Variants in MTAP observed in about 807,000 individuals in gnomAD.
MTAP encodes S-methyl-5'-thioadenosine phosphorylase.
A neutral mutation model predicts 33.6 loss-of-function variants in MTAP; 33 were observed. That is an observed-to-expected ratio of 0.98 (90% CI 0.74 to 1.31). The LOEUF (loss-of-function observed/expected upper bound fraction) is 1.31. MTAP is among the 40% of genes most tolerant of loss of function. MTAP has a pLI of 0.00. For missense variants in MTAP, 367 were observed against 360.0 expected (o/e 1.02, Z -0.16); for synonymous variants, 148 against 125.7 (o/e 1.18, Z -1.19).
intron 1 of MTAP, among the ~76,000 whole-genome samples, chr9:21,812,790 T>C (rs377435498): frequency 6.6e-6 from 1 of 152,244 alleles, no homozygotes; most frequent in East Asian, 1.9e-4. Flanking sequence ...TATAATGTTA[T>C]GGAGGACTCC....
At chr9:21,818,004 C>G (rs753143208) in intron 3 of MTAP, 31 bp from the exon 4 acceptor site, 31 of 1,593,178 alleles carry the variant, frequency 1.9e-5, no homozygotes, top group Non-Finnish European at 2.5e-5. Context: ...GTACTCATCA[C>G]GGGTTAACAA....
At chr9:21,906,565 A>G (rs770866645) in intron 1 of MTAP, among the ~76,000 whole-genome samples, 2 of 152,192 alleles carry the variant, frequency 1.3e-5, no homozygotes, top group Non-Finnish European at 2.9e-5. Flanking sequence ...CCAGACAGAA[A>G]GAACAGAGAA....
At chr9:21,825,233 A>G (rs1404387246) in intron 4 of MTAP, among the ~76,000 whole-genome samples, 3 of 152,144 alleles carry the variant, frequency 2.0e-5, no homozygotes, top group Non-Finnish European at 4.4e-5. Context: ...CTATTAGGCC[A>G]TCTTGGAACC....
intron 1 of MTAP, among the ~76,000 whole-genome samples, chr9:21,903,671 A>G (rs1818426177): frequency 6.6e-6 from 1 of 152,188 alleles, no homozygotes; most frequent in African/African-American, 2.4e-5. Context: ...AGCTACCCTT[A>G]TAATGAAATG....
chr9:21,842,312 A>T (rs1025714000), intron 5 of MTAP, among the ~76,000 whole-genome samples: 2 of 152,240 alleles, frequency 1.3e-5, no homozygotes, highest in African/African-American at 4.8e-5. Flanking sequence ...TTCCTGCAGA[A>T]GAAGAGAAAT....
intron 1 of MTAP, among the ~76,000 whole-genome samples, chr9:21,812,845 G>T (rs1407075604): frequency 6.6e-6 from 1 of 152,232 alleles, no homozygotes; most frequent in Non-Finnish European, 1.5e-5. Context: ...AAGCCTGAAA[G>T]ACCTAGATTT....
At chr9:21,917,058 G>T (rs1279088245) in intron 1 of MTAP, among the ~76,000 whole-genome samples, 1 of 145,648 alleles carries the variant, frequency 6.9e-6, no homozygotes, top group Non-Finnish European at 1.5e-5. Flanking sequence ...GGTTTTGAGG[G>T]AATAATAAAG....
intron 4 of MTAP, among the ~76,000 whole-genome samples, chr9:21,819,169 C>G (rs905062910): frequency 7.1e-6 from 1 of 141,746 alleles, no homozygotes; most frequent in Non-Finnish European, 1.5e-5. Context: ...CTTTTAAGTT[C>G]TAGGGTACAT....
chr9:21,912,626 T>C (rs10123050), intron 1 of MTAP, among the ~76,000 whole-genome samples: 26,766 of 152,128 alleles, frequency 0.18, 4,075 homozygotes, highest in African/African-American at 0.4. Context: ...ATTGTTGGGA[T>C]GTATCTCAAA....
At chr9:21,832,786 T>C (rs541024612) in intron 4 of MTAP, among the ~76,000 whole-genome samples, 62 of 152,352 alleles carry the variant, frequency 4.1e-4, no homozygotes, top group Admixed American at 3.9e-3. Context: ...TTAATCCCAC[T>C]TACGGCATAC....
intron 1 of MTAP, among the ~76,000 whole-genome samples, chr9:21,883,797 C>T (rs1818056958): frequency 6.6e-6 from 1 of 151,714 alleles, no homozygotes; most frequent in African/African-American, 2.4e-5. Flanking sequence ...TCAGCAATAC[C>T]TAGTGTGGCC....
intron 5 of MTAP, 77 bp from the exon 6 acceptor site, chr9:21,854,554 T>TAAA (rs1033625130): frequency 2.7e-6 from 4 of 1,456,140 alleles, no homozygotes; most frequent in Non-Finnish European, 3.6e-6. Context: ...ATCAACTTGG[T>TAAA]AAACATTGGG....
chr9:21,925,116 G>C (rs73442446), intron 1 of MTAP, among the ~76,000 whole-genome samples: 6,787 of 152,256 alleles, frequency 0.045, 488 homozygotes, highest in African/African-American at 0.14. Context: ...GGGGCATATG[G>C]GCAAAGAATT....
intron 1 of MTAP, among the ~76,000 whole-genome samples, chr9:21,883,296 A>G (rs1052679075): frequency 6.6e-6 from 1 of 152,116 alleles, no homozygotes; most frequent in Non-Finnish European, 1.5e-5. Context: ...CTTCTTAGTG[A>G]TAAGAGAAAT....
Position 21,864,204 on chromosome 9 carries a change from A to G in MTAP, c.*2190A>G. The stretch of plus-strand genomic sequence containing the variant: ...TCTCTAGCAACATCATTTTCAGACT[A>G]ACTAAATGAATGCAGTATACTCTTT... On this transcript the variant is annotated 3_prime_UTR_variant, in exon 8 of 8. Transcript: ENST00000644715. The G allele has an allele frequency of 1.0e-6, 1 of 985,398 alleles. No individual in the cohort carries two copies. Among genetic ancestry groups the G allele is most frequent in the Non-Finnish European group, 1.2e-6 (1 of 829,906 alleles). 61.0% of individuals were successfully genotyped at this position (985,398 alleles called of 1,614,324 possible).
chr9:21,905,686 A>G (rs1818465613), intron 1 of MTAP, among the ~76,000 whole-genome samples: 1 of 152,206 alleles, frequency 6.6e-6, no homozygotes, highest in Non-Finnish European at 1.5e-5. Context: ...AACAGCACTA[A>G]GAGAGAAAGA....
At chr9:21,869,181 A>G (rs533058220), downstream of MTAP, among the ~76,000 whole-genome samples, 8 of 152,266 alleles carry the variant, frequency 5.3e-5, no homozygotes, top group African/African-American at 1.7e-4. Context: ...TTTCATTGGC[A>G]TAAAATCCCT....
chr9:21,858,041 T>C (rs73431513), intron 6 of MTAP, among the ~76,000 whole-genome samples: 1,576 of 152,318 alleles, frequency 0.01, 30 homozygotes, highest in African/African-American at 0.035. Flanking sequence ...AGTGGTTTAT[T>C]TGGGATTTTG....
intron 1 of MTAP, among the ~76,000 whole-genome samples, chr9:21,915,041 TTCCTTCCTTC>T (rs1818658505): frequency 9.0e-6 from 1 of 111,372 alleles, no homozygotes; most frequent in Non-Finnish European, 1.6e-5. Flanking sequence ...CCTTCCTTCC[TTCCTTCCTTC>T]CTTCCTTTCT....
Sources: allele counts gnomAD v4.1 joint callset (sites outside exome capture counted in the v4.1 genomes callset), GRCh38; gene constraint gnomAD v4.1.1; transcripts MANE v1.5; gene names NCBI Gene and HGNC (gene_info 2026-07-23, HGNC 2026-07-21).